The following NKAIN3 variants were observed in gnomAD, a reference collection of about 807,000 sequenced individuals.
The protein encoded by NKAIN3 is sodium/potassium-transporting ATPase subunit beta-1-interacting protein 3.
A neutral mutation model predicts 30.2 loss-of-function variants in NKAIN3; 25 were observed. That is an observed-to-expected ratio of 0.83 (90% confidence interval 0.60 to 1.16). NKAIN3 has a LOEUF of 1.16. NKAIN3 is among the 50% of genes most tolerant of loss of function. The pLI is 0.00. For missense variants in NKAIN3, 225 were observed against 254.1 expected (o/e 0.89, Z 0.78); for synonymous variants, 91 against 89.6 (o/e 1.02, Z -0.09).
intron 1 of NKAIN3, among the ~76,000 whole-genome samples, chr8:62,495,729 T>C (rs923431543): frequency 6.6e-6 from 1 of 152,092 alleles, no homozygotes; most frequent in Non-Finnish European, 1.5e-5. Flanking sequence ...TGCTAAGCCA[T>C]TTATCCACAT....
chr8:62,445,193 C>T (rs1805446594), intron 1 of NKAIN3, among the ~76,000 whole-genome samples: 1 of 152,112 alleles, frequency 6.6e-6, no homozygotes, highest in Non-Finnish European at 1.5e-5. Context: ...ATCCGCGCAC[C>T]TCAGCCTCCC....
intron 3 of NKAIN3, among the ~76,000 whole-genome samples, chr8:62,599,053 G>C (rs917315962): frequency 1.2e-4 from 19 of 152,050 alleles, no homozygotes; most frequent in African/African-American, 4.6e-4. Context: ...CAAGAAAAGA[G>C]AGACAACCAT....
chr8:62,777,171 A>G (rs1030974772), intron 4 of NKAIN3, among the ~76,000 whole-genome samples: 2 of 152,108 alleles, frequency 1.3e-5, no homozygotes, highest in Non-Finnish European at 2.9e-5. Flanking sequence ...TAGTTTGAGG[A>G]GCCTTCTTTA....
chr8:62,415,889 C>T (rs1467182220), intron 1 of NKAIN3, among the ~76,000 whole-genome samples: 1 of 151,950 alleles, frequency 6.6e-6, no homozygotes, highest in Admixed American at 6.6e-5. Context: ...TCCCGAGTAG[C>T]TGGGACTACA....
chr8:62,282,843 G>A (rs901719448), intron 1 of NKAIN3, among the ~76,000 whole-genome samples: 1 of 152,096 alleles, frequency 6.6e-6, no homozygotes, highest in South Asian at 2.1e-4. Flanking sequence ...TTTCCCTCAG[G>A]TAAGTACTTC....
At chr8:62,386,605 A>C (rs1287524794) in intron 1 of NKAIN3, among the ~76,000 whole-genome samples, 5 of 152,216 alleles carry the variant, frequency 3.3e-5, no homozygotes, top group Admixed American at 2.6e-4. Flanking sequence ...TTAATATGAC[A>C]AATCTTGCTT....
At chr8:62,655,743 G>A (rs1812743686) in intron 3 of NKAIN3, among the ~76,000 whole-genome samples, 2 of 152,156 alleles carry the variant, frequency 1.3e-5, no homozygotes, top group Admixed American at 6.6e-5. Context: ...TTGCAGGCAG[G>A]CGGATATACA....
At chr8:62,803,354 AT>A (rs1554579494) in intron 4 of NKAIN3, among the ~76,000 whole-genome samples, 9 of 152,166 alleles carry the variant, frequency 5.9e-5, no homozygotes, top group Non-Finnish European at 1.3e-4. Flanking sequence ...AATTGACCAC[AT>A]AGTTGGAAGT....
At chr8:62,585,220 G>A (rs1343130261) in intron 2 of NKAIN3, among the ~76,000 whole-genome samples, 1 of 152,070 alleles carries the variant, frequency 6.6e-6, no homozygotes, top group Non-Finnish European at 1.5e-5. Context: ...TTTCTAAGAT[G>A]TAGTGTTGCG....
At chr8:62,889,458 T>A (rs1586314116) in intron 4 of NKAIN3, among the ~76,000 whole-genome samples, 2 of 152,150 alleles carry the variant, frequency 1.3e-5, no homozygotes, top group Admixed American at 1.3e-4. Flanking sequence ...CAAAATAATG[T>A]AATATAGTAT....
intron 6 of NKAIN3, among the ~76,000 whole-genome samples, chr8:62,964,179 C>T (rs985507483): frequency 1.3e-5 from 2 of 152,082 alleles, no homozygotes; most frequent in Non-Finnish European, 2.9e-5. Context: ...GATGAGAAAG[C>T]AAAATGGCTG....
intron 4 of NKAIN3, among the ~76,000 whole-genome samples, chr8:62,916,769 C>A (rs186308129): frequency 1.9e-4 from 29 of 152,188 alleles, no homozygotes; most frequent in African/African-American, 7.0e-4. Context: ...TGTTCCTCTG[C>A]GTTATCGTGG....
intron 4 of NKAIN3, among the ~76,000 whole-genome samples, chr8:62,800,332 C>T (rs1015613798): frequency 6.6e-6 from 1 of 152,166 alleles, no homozygotes; most frequent in Non-Finnish European, 1.5e-5. Flanking sequence ...GGGGTTCATG[C>T]AAGACCCTCT....
At chr8:62,481,574 C>G (rs957702623) in intron 1 of NKAIN3, among the ~76,000 whole-genome samples, 2 of 152,164 alleles carry the variant, frequency 1.3e-5, no homozygotes, top group African/African-American at 4.8e-5. Flanking sequence ...GAGGCAGGCC[C>G]ATAGTACCAT....
intron 3 of NKAIN3, among the ~76,000 whole-genome samples, chr8:62,612,199 A>G (rs1245266016): frequency 6.6e-6 from 1 of 152,038 alleles, no homozygotes; most frequent in African/African-American, 2.4e-5. Flanking sequence ...ATCCCATCAG[A>G]TGGATAGTTT....
chr8:62,863,816 C>A, intron 4 of NKAIN3: 2 of 1,611,198 alleles, frequency 1.2e-6, no homozygotes, highest in Non-Finnish European at 1.7e-6. Flanking sequence ...AACATGATAC[C>A]GGCCATTGAA....
chr8:62,312,871 T>C (rs1001293991), intron 1 of NKAIN3, among the ~76,000 whole-genome samples: 2 of 151,766 alleles, frequency 1.3e-5, no homozygotes, highest in Admixed American at 6.6e-5. Context: ...ATTCTGAGTT[T>C]ACAATTGCAA....
rs1823706569 is a variant in NKAIN3, at chr8:62,966,169, C to A, written c.*762C>A. The A allele has an allele frequency of 2.0e-5, 20 of 985,076 alleles. No homozygotes were observed. Among genetic ancestry groups the A allele is most frequent in the Non-Finnish European group, 2.4e-5 (20 of 829,706 alleles). The allele number at this position is 985,076 out of a possible 1,614,324, so 61.0% of individuals were successfully genotyped here. On this transcript the variant is annotated 3_prime_UTR_variant, in exon 7 of 7. Transcript: ENST00000623646. ...TTCCATTCCTGACACTGCTGTCAGACCTAAACATACAGCTCATGGGCTTGT... is the reference window on the plus strand; with the variant it reads ...TTCCATTCCTGACACTGCTGTCAGAACTAAACATACAGCTCATGGGCTTGT...
chr8:62,888,549 T>C (rs1821213935), intron 4 of NKAIN3, among the ~76,000 whole-genome samples: 1 of 152,202 alleles, frequency 6.6e-6, no homozygotes, highest in African/African-American at 2.4e-5. Flanking sequence ...TTGGGAGCAG[T>C]GGTTTGCCCT....
Sources: gnomAD v4.1 joint callset for allele counts (sites outside exome capture counted in the v4.1 genomes callset) on GRCh38, gnomAD v4.1.1 for gene constraint, MANE v1.5 for transcripts, NCBI Gene and HGNC (gene_info 2026-07-23, HGNC 2026-07-21) for gene names.